Variants in PWWP3A observed in about 807,000 individuals in gnomAD.
PWWP3A encodes the protein PWWP domain containing 3A, DNA repair factor, also known as PWWP domain-containing DNA repair factor 3A.
In PWWP3A, 53 loss-of-function variants were observed where a neutral mutation model predicts 79.0. The ratio of observed to expected loss-of-function variants is 0.67; its 90% CI spans 0.54 to 0.84. The LOEUF (loss-of-function observed/expected upper bound fraction) is 0.84, where lower values mean the gene tolerates loss of function less well. Among genes scored for constraint, PWWP3A ranks in the 40% least tolerant of loss-of-function variants. The pLI is 0.00. For synonymous variants in PWWP3A, 443 were observed against 394.4 expected (o/e 1.12, Z -1.46); for missense variants, 973 against 948.0 (o/e 1.03, Z -0.35).
chr19:1,358,862 G>A (rs996910360), intron 4 of PWWP3A: 18 of 430,932 alleles, frequency 4.2e-5, no homozygotes, highest in Non-Finnish European at 6.8e-5. Flanking sequence ...CTCAGCCCAA[G>A]GTTTGAGAAG....
rs1174225394 is a variant in PWWP3A at position 1,376,596 on chromosome 19, G to C, written c.*20G>C. The C allele has an allele frequency of 5.6e-6, 9 of 1,613,036 alleles. No homozygotes were observed. Among genetic ancestry groups the C allele is most frequent in the Non-Finnish European group, 6.8e-6 (8 of 1,179,662 alleles). On this transcript the variant is annotated 3_prime_UTR_variant, in exon 14 of 14. Transcript: ENST00000591337. ...CGGTGAGGGAGCAGCCGGCTGTGCT[G>C]TCAGCGGGGCCTGGCGGTGGAAGCG...
At position 1,368,432 on chromosome 19, in the gene PWWP3A, G is replaced by A. The variant is rs1234592871; in HGVS notation, c.1423-833G>A. Among the ~76,000 whole-genome samples, 3 of 152,188 alleles carry A rather than the reference G, an allele frequency of 2.0e-5. No individual in the cohort carries two copies. Among genetic ancestry groups the A allele is most frequent in the Non-Finnish European group, 4.4e-5 (3 of 68,040 alleles). ...GTCCCGAAGCCCACTTGATTCAGTG[G>A]TAGTCACCGTGGCTTCTGAGGGATG... On this transcript the variant is annotated intron_variant, in intron 9 of 13. Transcript: ENST00000591337. This position sits in a 1 kb window ranked among gnomAD's most constrained non-coding sequence, Gnocchi z 4.7.
rs1215704663 is a variant in PWWP3A at position 1,360,350 on chromosome 19, G to A, written c.429G>A (p.Val143=). The part of the protein sequence containing the change: ...SNSSSLPRGD[V]LGSSRPHRRR... Reference sequence around the variant, plus strand: ...CCTCATCTCTTCCCCGCGGAGACGTGTTGGGCAGTTCCAGACCTCACAGGA... The same window carrying A: ...CCTCATCTCTTCCCCGCGGAGACGTATTGGGCAGTTCCAGACCTCACAGGA... The change falls in exon 5 of 14, where the codon GTG becomes GTA. Residue 143 remains valine, a synonymous_variant. Coordinates refer to ENST00000591337, the MANE Select transcript of PWWP3A (RefSeq NM_001369789.1). The surrounding 1 kb of genome is among the most constrained non-coding windows in gnomAD (Gnocchi z 4.4). The A allele has an allele frequency of 1.2e-6, 2 of 1,614,058 alleles. No individual in the cohort carries two copies. The highest frequency in any genetic ancestry group is 1.7e-6 in the Non-Finnish European group (2 of 1,180,056).
chr19:1,356,154 C>T, intron 1 of PWWP3A, 170 bp from the exon 2 acceptor site: 1 of 562,882 alleles, frequency 1.8e-6, no homozygotes, highest in South Asian at 2.1e-5. Context: ...CGAGCCCCGT[C>T]GTTTCTGTTT....
chr19:1,356,513 T>A (rs1471463975), intron 2 of PWWP3A, 64 bp downstream of exon 2: 1 of 1,493,232 alleles, frequency 6.7e-7, no homozygotes, highest in African/African-American at 1.4e-5. Flanking sequence ...AGTAAAATCT[T>A]GATCAGGAGA....
Position 1,367,227 on chromosome 19 carries a change from G to GATGATGGGTA in PWWP3A, c.1422+7_1422+8insATGATGGGTA. On this transcript the variant is annotated splice_region_variant and intron_variant, in intron 9 of 13. Coordinates refer to ENST00000591337, the MANE Select transcript of PWWP3A (RefSeq NM_001369789.1). ...AGAGAAACAGACGCTTCTGGTAGGT[G>GATGATGGGTA]GATGATGTTTTGTGCTTGCTTTAAA... 6.2e-7 allele frequency: 1 copy of GATGATGGGTA among 1,610,486 alleles called. No individual in the cohort carries two copies. The highest frequency in any genetic ancestry group is 8.5e-7 in the Non-Finnish European group (1 of 1,177,728).
At chr19:1,367,898 C>T (rs996105271) in intron 9 of PWWP3A, among the ~76,000 whole-genome samples, 14 of 152,148 alleles carry the variant, frequency 9.2e-5, no homozygotes. Flanking sequence ...GTGGTTGTGT[C>T]TTTTCCACTC....
rs569985885 is a variant in PWWP3A, at chr19:1,369,730, A to G, written c.1549+84A>G. On this transcript the variant is annotated intron_variant, in intron 11 of 13. Transcript: ENST00000591337. This position sits in a 1 kb window ranked among gnomAD's most constrained non-coding sequence, Gnocchi z 4.0. ...AATCTTCTATGTCTGAAGCTGTGGA[A>G]GGGGACGTTGGGGTCAAGGCACTGT... 6.8e-7 allele frequency: 1 copy of G among 1,476,256 alleles called. No individual in the cohort carries two copies. Among genetic ancestry groups the G allele is most frequent in the Non-Finnish European group, 9.5e-7 (1 of 1,054,562 alleles). 91.4% of individuals were successfully genotyped at this position (1,476,256 alleles called of 1,614,324 possible). A position where few individuals can be genotyped will look rare whatever the true frequency, so the allele number is the denominator to read the frequency against.
chr19:1,367,044 C>A, intron 8 of PWWP3A, 116 bp from the exon 9 acceptor site: 1 of 738,058 alleles, frequency 1.4e-6, no homozygotes, highest in Non-Finnish European at 2.2e-6. Context: ...CATAAATAAG[C>A]TGGGGCTGGT....
At chr19:1,355,726 C>T (rs1390618317) in intron 1 of PWWP3A, among the ~76,000 whole-genome samples, 2 of 151,844 alleles carry the variant, frequency 1.3e-5, no homozygotes, top group Admixed American at 6.6e-5. Context: ...GCCACCCCTA[C>T]CTCTGCTGGG....
In PWWP3A at chr19:1,368,165, C is replaced by T. The variant is rs907612606; in HGVS notation, c.1422+945C>T. 6.6e-6 allele frequency among the ~76,000 whole-genome samples: 1 copy of T among 152,120 alleles called. No individual in the cohort carries two copies. Among genetic ancestry groups the T allele is most frequent in the East Asian group, 1.9e-4 (1 of 5,194 alleles). On this transcript the variant is annotated intron_variant, in intron 9 of 13. Coordinates refer to ENST00000591337, the MANE Select transcript of PWWP3A (RefSeq NM_001369789.1). The surrounding 1 kb of genome is among the most constrained non-coding windows in gnomAD (Gnocchi z 4.7). ...GTCTCGAACTCCTGACCTCATGATC[C>T]GCCTGCCTCAGCCTCTCAAAGTGCT...
rs1389370238 is a variant in PWWP3A, at chr19:1,354,979, C to G, written c.-226C>G. 6.0e-5 allele frequency: 7 copies of G among 116,418 alleles called. No individual in the cohort carries two copies. Among genetic ancestry groups the G allele is most frequent in the African/African-American group, 2.3e-4 (7 of 30,252 alleles). 7.2% of individuals were successfully genotyped at this position (116,418 alleles called of 1,614,324 possible). A position where few individuals can be genotyped will look rare whatever the true frequency, so the allele number is the denominator to read the frequency against. On this transcript the variant is annotated 5_prime_UTR_variant, in exon 1 of 14. Transcript: ENST00000591337. Reference sequence around the variant, plus strand: ...GAGGCAAGCCCCGCCCCCGGCCCCGCGGGGAGCGGCGGCGGCGGCGGCGGC... The same window carrying G: ...GAGGCAAGCCCCGCCCCCGGCCCCGGGGGGAGCGGCGGCGGCGGCGGCGGC...
At chr19:1,365,792 G>A (rs1319261825) in intron 7 of PWWP3A, among the ~76,000 whole-genome samples, 1 of 152,270 alleles carries the variant, frequency 6.6e-6, no homozygotes, top group Non-Finnish European at 1.5e-5. Context: ...CCCTGAGAGC[G>A]CAGGGCGGAA....
At chr19:1,370,431 G>A (rs1600121809) in intron 11 of PWWP3A, among the ~76,000 whole-genome samples, 1 of 152,190 alleles carries the variant, frequency 6.6e-6, no homozygotes, top group African/African-American at 2.4e-5. Flanking sequence ...AAACCTGGCT[G>A]CAGGGCCCAG....
Position 1,370,833 on chromosome 19 carries a change from A to G in PWWP3A, c.1741A>G (p.Lys581Glu). ...ANQKLVEYIV[K>E]AKGAESHLRA... is the part of the protein sequence containing the mutation. ...CCAGAAGCTGGTGGAGTACATTGTG[A>G]AGGCCAAGGGCGCGGAGAGCCACCT... is the stretch of plus-strand genomic sequence containing the variant. Residue 581 changes from lysine to glutamate, a missense_variant, in exon 12 of 14, where the codon AAG becomes GAG. By Grantham distance (56) the Lys-to-Glu change is moderately conservative (BLOSUM62 1). Transcript: ENST00000591337. 6.4e-7 allele frequency: 1 copy of G among 1,572,456 alleles called. No homozygotes were observed. The highest frequency in any genetic ancestry group is 8.6e-7 in the Non-Finnish European group (1 of 1,159,036).
At chr19:1,363,769 T>C (rs984782393) in intron 6 of PWWP3A, among the ~76,000 whole-genome samples, 1 of 152,198 alleles carries the variant, frequency 6.6e-6, no homozygotes, top group Non-Finnish European at 1.5e-5. Flanking sequence ...TGTGCCATGT[T>C]CACAGCAGAC....
Position 1,362,310 on chromosome 19 carries a change from A to C in PWWP3A, c.1172A>C (p.Asp391Ala). ...SNSMRSILEE[D>A]EEDEEPPRVL... ...TCCATGCGTTCTATCCTGGAGGAAG[A>C]CGAGGAAGACGAGGAGCCACCAAGA... The change falls in exon 6 of 14, where the codon GAC becomes GCC. Residue 391 changes from aspartate to alanine, a missense_variant. Asp to Ala is a moderately radical substitution (Grantham distance 126). Transcript: ENST00000591337. 6.2e-7 allele frequency: 1 copy of C among 1,613,766 alleles called. No individual in the cohort carries two copies. The highest frequency in any genetic ancestry group is 8.5e-7 in the Non-Finnish European group (1 of 1,179,832).
At chr19:1,370,260 C>T (rs553065326) in intron 11 of PWWP3A, among the ~76,000 whole-genome samples, 31 of 152,220 alleles carry the variant, frequency 2.0e-4, no homozygotes, top group African/African-American at 6.3e-4. Flanking sequence ...TCACGAACAC[C>T]GGGATGTTTG....
chr19:1,362,158 C>T (rs1279098932), intron 5 of PWWP3A, 92 bp from the exon 6 acceptor site: 6 of 1,005,756 alleles, frequency 6.0e-6, no homozygotes, highest in East Asian at 2.6e-5. Flanking sequence ...TTTCTTTATG[C>T]ATCGATGGTC....
Sources: allele counts gnomAD v4.1 joint callset (sites outside exome capture counted in the v4.1 genomes callset), GRCh38; gene constraint gnomAD v4.1.1; non-coding constraint Gnocchi (gnomAD v3.1); transcripts MANE v1.5; gene names NCBI Gene and HGNC (gene_info 2026-07-23, HGNC 2026-07-21).